MPRIP: variants seen among roughly 807,000 people sequenced by gnomAD.
MPRIP encodes the protein myosin phosphatase Rho interacting protein.
Under a neutral mutation model 234.9 loss-of-function variants are expected in MPRIP, and 59 were observed. That is an observed-to-expected ratio of 0.25 (90% CI 0.20 to 0.31). The LOEUF is 0.31. Among genes scored for constraint, MPRIP ranks in the 10% least tolerant of loss-of-function variants. The pLI is 1.00. For synonymous variants in MPRIP, 1,144 were observed against 1,263.9 expected (o/e 0.91, Z 2.01); for missense variants, 2,436 against 3,071.0 (o/e 0.79, Z 4.89).
intron 7 of MPRIP, among the ~76,000 whole-genome samples, chr17:17,139,357 C>G (rs1157204537): frequency 2.6e-5 from 4 of 152,204 alleles, no homozygotes; most frequent in Admixed American, 2.6e-4. Flanking sequence ...TTCTGGAGGT[C>G]CATGATGACC....
At chr17:17,079,607 A>T (rs2089416109) in intron 3 of MPRIP, among the ~76,000 whole-genome samples, 1 of 152,158 alleles carries the variant, frequency 6.6e-6, no homozygotes, top group Non-Finnish European at 1.5e-5. Flanking sequence ...CAATTGACTT[A>T]ACAGTATCAG....
chr17:17,100,291 C>T (rs560527476), intron 3 of MPRIP, among the ~76,000 whole-genome samples: 1 of 152,366 alleles, frequency 6.6e-6, no homozygotes, highest in Admixed American at 6.5e-5. Context: ...CATGGCACGG[C>T]TGACCCAGTG....
At chr17:17,103,372 C>T (rs573031964) in intron 3 of MPRIP, among the ~76,000 whole-genome samples, 54 of 152,328 alleles carry the variant, frequency 3.5e-4, no homozygotes, top group African/African-American at 1.3e-3. Context: ...GGCCGGCAGC[C>T]GTGAGGGTAT....
chr17:17,141,977 A>G (rs2045333784), intron 7 of MPRIP: 2 of 152,500 alleles, frequency 1.3e-5, no homozygotes, highest in Admixed American at 1.3e-4. Context: ...GCGCTCTTCC[A>G]TGTATTCATT....
chr17:17,137,525 A>G (rs2090726395), intron 6 of MPRIP, among the ~76,000 whole-genome samples: 1 of 151,570 alleles, frequency 6.6e-6, no homozygotes, highest in African/African-American at 2.4e-5. Context: ...AAAAAAAAAA[A>G]AAAATACTGA....
chr17:17,124,356 A>G (rs1346854519), intron 3 of MPRIP, among the ~76,000 whole-genome samples: 1 of 152,084 alleles, frequency 6.6e-6, no homozygotes, highest in Non-Finnish European at 1.5e-5. Flanking sequence ...TGAGAAGAAA[A>G]CTTTGGAATT....
Position 17,077,095 on chromosome 17 carries a change from C to T in MPRIP, c.202-916C>T, listed in dbSNP as rs913223096. The T allele has an allele frequency of 2.6e-5, 4 of 152,254 alleles. No individual in the cohort carries two copies. The East Asian group carries it at 7.7e-4, about 29-fold the overall frequency. 9.4% of individuals were successfully genotyped at this position (152,254 alleles called of 1,614,324 possible). A position where few individuals can be genotyped will look rare whatever the true frequency, so the allele number is the denominator to read the frequency against. The stretch of plus-strand genomic sequence containing the variant: ...TAGCTGGGGCTACAGGCGTGCATCA[C>T]CATGCCTAGCTAATTTTTGTATTTT... On this transcript the variant is annotated intron_variant, in intron 2 of 23. Transcript: ENST00000651222.
At chr17:17,071,072 G>A (rs1304430862) in intron 1 of MPRIP, among the ~76,000 whole-genome samples, 1 of 152,170 alleles carries the variant, frequency 6.6e-6, no homozygotes, top group Non-Finnish European at 1.5e-5. Context: ...ACACACCCTA[G>A]CATGGAGCAA....
intron 3 of MPRIP, among the ~76,000 whole-genome samples, chr17:17,113,365 G>A (rs1450608710): frequency 6.6e-6 from 1 of 152,206 alleles, no homozygotes; most frequent in Non-Finnish European, 1.5e-5. Flanking sequence ...TGAGTACTTT[G>A]GGTGCTTCAC....
In MPRIP at chr17:17,150,082, G is replaced by C. The variant is rs2045566550; in HGVS notation, c.1630-62G>C. On this transcript the variant is annotated intron_variant, in intron 11 of 23. Transcript: ENST00000651222. Reference sequence around the variant, plus strand: ...TGCAGAAAATCACTTACGGAAATTTGCTCATCTAGGCATTGGTTCTACTTC... The same window carrying C: ...TGCAGAAAATCACTTACGGAAATTTCCTCATCTAGGCATTGGTTCTACTTC... 5 of 1,196,550 alleles carry C rather than the reference G, an allele frequency of 4.2e-6. No individual in the cohort carries two copies. In the South Asian group the frequency reaches 5.0e-5, roughly 12 times the overall value. 74.1% of individuals were successfully genotyped at this position (1,196,550 alleles called of 1,614,324 possible). A position where few individuals can be genotyped will look rare whatever the true frequency, so the allele number is the denominator to read the frequency against.
At chr17:17,126,239 AAAG>A (rs2144387350) in intron 3 of MPRIP, among the ~76,000 whole-genome samples, 1 of 152,208 alleles carries the variant, frequency 6.6e-6, no homozygotes, top group Admixed American at 6.5e-5. Flanking sequence ...GGCCGCCTCT[AAAG>A]AAGGCACAGT....
chr17:17,143,588 C>G lies in MPRIP; in HGVS notation c.1422C>G (p.Leu474=). The G allele has an allele frequency of 6.2e-7, 1 of 1,604,104 alleles. No individual in the cohort carries two copies. The change falls in exon 9 of 24, where the codon CTC becomes CTG. Residue 474 remains leucine (L), a synonymous_variant. Coordinates refer to ENST00000651222, the MANE Select transcript of MPRIP (RefSeq NM_001364716.4). ...DFTNEAPPAP[L]PDASASPLSP... ...CCAATGAAGCCCCCCCAGCTCCTCT[C>G]CCAGACGCCTCGGCTTCCCCCCTGT...
chr17:17,107,867 G>A (rs1177827115), intron 3 of MPRIP, among the ~76,000 whole-genome samples: 1 of 152,216 alleles, frequency 6.6e-6, no homozygotes, highest in African/African-American at 2.4e-5. Flanking sequence ...GCTGCCCTCT[G>A]TGTCTGTAAG....
In MPRIP at chr17:17,187,332, C is replaced by T. The variant is rs943967004; in HGVS notation, c.*2438C>T. 2.0e-5 allele frequency: 3 copies of T among 152,228 alleles called. No homozygotes were observed. Among genetic ancestry groups the T allele is most frequent in the South Asian group, 2.1e-4 (1 of 4,830 alleles). 9.4% of individuals were successfully genotyped at this position (152,228 alleles called of 1,614,324 possible). A position where few individuals can be genotyped will look rare whatever the true frequency, so the allele number is the denominator to read the frequency against. Reference sequence around the variant, plus strand: ...CTGCATTCCTCCCTGCCACAGGTCTCTCCCCAGAGGCTGGTTTAGTGTAGG... The same window carrying T: ...CTGCATTCCTCCCTGCCACAGGTCTTTCCCCAGAGGCTGGTTTAGTGTAGG... On this transcript the variant is annotated 3_prime_UTR_variant, in exon 24 of 24. Coordinates refer to ENST00000651222, the MANE Select transcript of MPRIP (RefSeq NM_001364716.4).
At chr17:17,154,468 C>G (rs3744132) in intron 13 of MPRIP, 53 bp downstream of exon 13, 2 of 1,482,058 alleles carry the variant, frequency 1.3e-6, no homozygotes, top group Non-Finnish European at 1.9e-6. Context: ...GGGTGCCACT[C>G]CCGCCAGGGC....
intron 14 of MPRIP, 149 bp from the exon 15 acceptor site, chr17:17,161,091 T>C: frequency 3.8e-6 from 2 of 528,742 alleles, no homozygotes; most frequent in Non-Finnish European, 6.8e-6. Flanking sequence ...CAAATGCTGC[T>C]GGTAAAGGCC....
chr17:17,118,320 A>G (rs1191732703), intron 3 of MPRIP, among the ~76,000 whole-genome samples: 2 of 151,958 alleles, frequency 1.3e-5, no homozygotes, highest in African/African-American at 4.8e-5. Flanking sequence ...TGGGCATCCA[A>G]CTCTTGGCCC....
intron 23 of MPRIP, chr17:17,182,095 C>A (rs7218781): frequency 0.15 from 23,217 of 152,140 alleles, 2,585 homozygotes; most frequent in East Asian, 0.3. Context: ...GGGCCGTGTT[C>A]GCGCTCCCAG....
At chr17:17,089,837 G>A (rs1398829445) in intron 3 of MPRIP, among the ~76,000 whole-genome samples, 6 of 152,180 alleles carry the variant, frequency 3.9e-5, no homozygotes, top group Non-Finnish European at 1.5e-5. Context: ...TGCTGGAAAG[G>A]ACCTGGAAGA....
Sources: gnomAD v4.1 joint callset for allele counts (sites outside exome capture counted in the v4.1 genomes callset) on GRCh38, gnomAD v4.1.1 for gene constraint, MANE v1.5 for transcripts, NCBI Gene and HGNC (gene_info 2026-07-23, HGNC 2026-07-21) for gene names.